The following FMNL2 variants were observed in gnomAD, a reference collection of about 807,000 sequenced individuals.
The protein encoded by FMNL2 is formin-like protein 2.
FMNL2 carries 51 observed loss-of-function variants against 130.2 expected under a neutral mutation model. That is an observed-to-expected ratio of 0.39 (90% confidence interval 0.31 to 0.49). The LOEUF is 0.49. FMNL2 is among the 20% of genes least tolerant of loss of function. FMNL2 has a pLI of 0.85. For missense variants in FMNL2, 977 were observed against 1,316.2 expected (o/e 0.74, Z 3.99); for synonymous variants, 465 against 467.1 (o/e 1.00, Z 0.06).
chr2:152,587,736 A>C (rs1697164953), intron 9 of FMNL2, among the ~76,000 whole-genome samples: 1 of 152,192 alleles, frequency 6.6e-6, no homozygotes, highest in Non-Finnish European at 1.5e-5. Flanking sequence ...CTGATTGTTA[A>C]GGGATGAGTC....
At chr2:152,541,122 A>G (rs1036369699) in intron 2 of FMNL2, among the ~76,000 whole-genome samples, 13 of 152,164 alleles carry the variant, frequency 8.5e-5, no homozygotes, top group Non-Finnish European at 1.8e-4. Context: ...AGAAAAGAAC[A>G]TGATAAAGAT....
chr2:152,517,009 A>G (rs1692811121), intron 1 of FMNL2, among the ~76,000 whole-genome samples: 1 of 152,222 alleles, frequency 6.6e-6, no homozygotes. Context: ...GATAAAAACC[A>G]AAGTAGAGAC....
At chr2:152,509,825 A>G (rs1056270906) in intron 1 of FMNL2, among the ~76,000 whole-genome samples, 2 of 134,566 alleles carry the variant, frequency 1.5e-5, no homozygotes, top group Non-Finnish European at 3.0e-5. Context: ...GGGTCAATGC[A>G]GCCTCGAGCT....
At position 152,593,753 on chromosome 2, in the gene FMNL2, G is replaced by A. The variant is rs577421097; in HGVS notation, c.876+12704G>A. Among the ~76,000 whole-genome samples the A allele has an allele frequency of 9.2e-4, 139 of 151,682 alleles. 1 individual carries two copies. The highest frequency in any genetic ancestry group is 3.2e-3 in the African/African-American group (133 of 41,326). On this transcript the variant is annotated intron_variant, in intron 9 of 25. Coordinates refer to ENST00000288670, the MANE Select transcript of FMNL2 (RefSeq NM_052905.4). ...ACTTTTTTTTTAATTTATTTTTTTAGTGGGGGTGTAATGCCCGAGGTCAGA... is the reference window on the plus strand; with the variant it reads ...ACTTTTTTTTTAATTTATTTTTTTAATGGGGGTGTAATGCCCGAGGTCAGA...
At chr2:152,592,124 A>G (rs1395891346) in intron 9 of FMNL2, among the ~76,000 whole-genome samples, 3 of 152,160 alleles carry the variant, frequency 2.0e-5, no homozygotes, top group Non-Finnish European at 4.4e-5. Context: ...AAGATAACTC[A>G]TGATTTCCGT....
chr2:152,551,879 A>G (rs1694956405), intron 4 of FMNL2, among the ~76,000 whole-genome samples: 1 of 152,150 alleles, frequency 6.6e-6, no homozygotes, highest in South Asian at 2.1e-4. Flanking sequence ...AGCCAGTCAC[A>G]ATGTCACGTA....
chr2:152,602,678 T>A (rs1698140602), intron 9 of FMNL2, among the ~76,000 whole-genome samples: 1 of 152,224 alleles, frequency 6.6e-6, no homozygotes, highest in Non-Finnish European at 1.5e-5. Context: ...CCGTGTATTA[T>A]CTGGCCTTTG....
chr2:152,408,241 C>T (rs1686100558), intron 1 of FMNL2, among the ~76,000 whole-genome samples: 1 of 151,992 alleles, frequency 6.6e-6, no homozygotes, highest in Admixed American at 6.6e-5. Context: ...CTTCAAAGAA[C>T]TTTTTTAAAA....
Position 152,542,806 on chromosome 2 carries a change from C to T in FMNL2, c.269C>T (p.Ala90Val). ...AAGCTCAAAGGCTATCTGGATCCAG[C>T]TGTAACCAGGAAGGTAAGATGGATT... ...IQKLKGYLDP[A>V]VTRKKFRRRV... Residue 90 changes from alanine (A) to valine (V), a missense_variant, in exon 3 of 26, where the codon GCT becomes GTT. Physicochemically the swap from Ala to Val is moderately conservative, Grantham distance 64. Transcript: ENST00000288670. 1 of 1,613,918 alleles carries T rather than the reference C, an allele frequency of 6.2e-7. No homozygotes were observed. Among genetic ancestry groups the T allele is most frequent in the Non-Finnish European group, 8.5e-7 (1 of 1,179,838 alleles).
At chr2:152,528,949 A>G (rs1693546661) in intron 2 of FMNL2, among the ~76,000 whole-genome samples, 1 of 152,164 alleles carries the variant, frequency 6.6e-6, no homozygotes, top group South Asian at 2.1e-4. Flanking sequence ...TCTGTGGGCC[A>G]GGCCTGGAAT....
At chr2:152,530,420 T>G (rs1264044194) in intron 2 of FMNL2, among the ~76,000 whole-genome samples, 5 of 152,166 alleles carry the variant, frequency 3.3e-5, no homozygotes, top group Non-Finnish European at 7.4e-5. Flanking sequence ...GTGCTTGAGC[T>G]GAAACTAAAA....
chr2:152,607,019 T>TTTTTTTTTTTG (rs1698407396), intron 9 of FMNL2, among the ~76,000 whole-genome samples: 2 of 146,058 alleles, frequency 1.4e-5, no homozygotes, highest in Admixed American at 6.9e-5. Flanking sequence ...TTTTTTTTTT[T>TTTTTTTTTTTG]TTTTTACCAT....
At chr2:152,601,671 C>CTTTTCTTTTT (rs1698076811) in intron 9 of FMNL2, among the ~76,000 whole-genome samples, 2 of 103,470 alleles carry the variant, frequency 1.9e-5, no homozygotes, top group African/African-American at 6.9e-5. Flanking sequence ...TCTTTTCTTT[C>CTTTTCTTTTT]TTTTTTTTTT....
intron 2 of FMNL2, among the ~76,000 whole-genome samples, chr2:152,522,779 A>T (rs1242329695): frequency 6.6e-6 from 1 of 152,202 alleles, no homozygotes; most frequent in African/African-American, 2.4e-5. Flanking sequence ...GCCCAGTCTC[A>T]GGTATGTCTT....
At chr2:152,522,308 T>C (rs1693139043) in intron 2 of FMNL2, among the ~76,000 whole-genome samples, 1 of 152,238 alleles carries the variant, frequency 6.6e-6, no homozygotes, top group Non-Finnish European at 1.5e-5. Context: ...TGATTTTGTT[T>C]GATCGTAAAG....
chr2:152,338,820 TACACACACACAC>T (rs58367779), intron 1 of FMNL2, among the ~76,000 whole-genome samples: 5 of 148,970 alleles, frequency 3.4e-5, no homozygotes, highest in African/African-American at 1.2e-4. Context: ...GAAGGTGAGA[TACACACACACAC>T]ACACACACAC....
At chr2:152,431,839 G>C (rs773946990) in intron 1 of FMNL2, among the ~76,000 whole-genome samples, 4 of 151,832 alleles carry the variant, frequency 2.6e-5, no homozygotes, top group Admixed American at 6.6e-5. Flanking sequence ...TGGCACATGC[G>C]TGTAGTCCCA....
rs1553869242 is a variant in FMNL2 at position 152,367,073 on chromosome 2, G to GTGTTTTTTTTTTTTTTT, written c.117+31354_117+31355insGTTTTTTTTTTTTTTTT. 2.3e-5 allele frequency among the ~76,000 whole-genome samples: 2 copies of GTGTTTTTTTTTTTTTTT among 88,184 alleles called. 1 individual carries two copies. Among genetic ancestry groups the GTGTTTTTTTTTTTTTTT allele is most frequent in the Non-Finnish European group, 6.0e-5 (2 of 33,574 alleles). The allele number at this position is 88,184 out of a possible 152,430, so 57.9% of individuals were successfully genotyped here. A position where few individuals can be genotyped will look rare whatever the true frequency, so the allele number is the denominator to read the frequency against. On this transcript the variant is annotated intron_variant, in intron 1 of 25. Transcript: ENST00000288670. ...CTACCCTGTTATTGTGTGTGTGTGT[G>GTGTTTTTTTTTTTTTTT]TTTGTTTTTTTTTTTTTTCCCAGAT... is the stretch of plus-strand genomic sequence containing the variant.
At chr2:152,569,672 C>A (rs1224751975) in intron 6 of FMNL2, among the ~76,000 whole-genome samples, 8 of 113,666 alleles carry the variant, frequency 7.0e-5, no homozygotes, top group African/African-American at 2.3e-4. Context: ...CAAGGTGAGA[C>A]CCTGTCTCAA....
Sources: gnomAD v4.1 joint callset for allele counts (sites outside exome capture counted in the v4.1 genomes callset) on GRCh38, gnomAD v4.1.1 for gene constraint, MANE v1.5 for transcripts, NCBI Gene and HGNC (gene_info 2026-07-23, HGNC 2026-07-21) for gene names.